Variants in HDAC1 observed in about 807,000 individuals in gnomAD.
HDAC1 encodes histone deacetylase 1, also known as protein deacetylase HDAC1.
A neutral mutation model predicts 65.5 loss-of-function variants in HDAC1; 18 were observed. The ratio of observed to expected loss-of-function variants is 0.27; its 90% confidence interval spans 0.19 to 0.41. The LOEUF (loss-of-function observed/expected upper bound fraction) is 0.41. Among genes scored for constraint, HDAC1 ranks in the 10% least tolerant of loss-of-function variants. The pLI is 1.00. For missense variants in HDAC1, 373 were observed against 625.2 expected, an observed-to-expected ratio of 0.60 and a Z score of 4.30; for synonymous variants, 211 against 227.9, an observed-to-expected ratio of 0.93 and a Z score of 0.67.
At chr1:32,332,366 A>C in intron 12 of HDAC1, 124 bp downstream of exon 12, 2 of 920,886 alleles carry the variant, frequency 2.2e-6, no homozygotes, top group Non-Finnish European at 1.7e-6. Context: ...CAGTTCCTTG[A>C]GCCTTTCAGT....
intron 1 of HDAC1, among the ~76,000 whole-genome samples, chr1:32,294,114 A>C (rs890542591): frequency 2.0e-5 from 3 of 151,964 alleles, no homozygotes; most frequent in African/African-American, 7.2e-5. Context: ...GTAAGGAAGA[A>C]GGCATGGATC....
intron 1 of HDAC1, among the ~76,000 whole-genome samples, chr1:32,293,317 T>A (rs1263236622): frequency 1.4e-5 from 2 of 138,026 alleles, no homozygotes; most frequent in Non-Finnish European, 3.1e-5. Flanking sequence ...CGAGGCTCTG[T>A]CTTAAAAAAA....
intron 2 of HDAC1, 89 bp downstream of exon 2, chr1:32,302,822 TTCAC>T (rs1409117763): frequency 1.4e-6 from 1 of 723,578 alleles, no homozygotes; most frequent in Non-Finnish European, 2.6e-6. Flanking sequence ...CCACCACTCA[TTCAC>T]TCATTCATCA....
chr1:32,330,723 C>T lies in HDAC1; in HGVS notation c.838+37C>T. 6 of 1,613,922 alleles carry T rather than the reference C, an allele frequency of 3.7e-6. No individual in the cohort carries two copies. The highest frequency in any genetic ancestry group is 5.1e-6 in the Non-Finnish European group (6 of 1,179,862). ...TAGCACAAGGATGGGTGGGCGGGGTCCTGCTTGGTGCTCCTGTAACTCAGC... is the reference window on the plus strand; with the variant it reads ...TAGCACAAGGATGGGTGGGCGGGGTTCTGCTTGGTGCTCCTGTAACTCAGC... On this transcript the variant is annotated intron_variant, in intron 8 of 13. Transcript: ENST00000373548. The surrounding 1 kb of genome is among the most constrained non-coding windows in gnomAD (Gnocchi z 4.2).
intron 2 of HDAC1, among the ~76,000 whole-genome samples, chr1:32,313,928 C>T (rs928456103): frequency 6.6e-6 from 1 of 152,098 alleles, no homozygotes; most frequent in Non-Finnish European, 1.5e-5. Flanking sequence ...GCTCTGGCCA[C>T]CCTTGGAAAT....
At chr1:32,332,361 C>A in intron 12 of HDAC1, 119 bp downstream of exon 12, 1 of 948,442 alleles carries the variant, frequency 1.1e-6, no homozygotes. Context: ...TTCCTCAGTT[C>A]CTTGAGCCTT....
At position 32,327,039 on chromosome 1, in the gene HDAC1, C is replaced by G; in HGVS notation, c.456C>G (p.Tyr152Ter). ...AGTCCGAGGCATCTGGCTTCTGTTA[C>G]GTCAATGATATCGTCTTGGCCATCC... The part of the protein sequence containing the change: ...AKKSEASGFC[Y>*]VNDIVLAILE... Residue 152 changes from tyrosine (Y) to a stop codon, truncating the protein, a stop_gained, in exon 5 of 14, where the codon TAC becomes TAG. Coordinates refer to ENST00000373548, the MANE Select transcript of HDAC1 (RefSeq NM_004964.3). LOFTEE classifies it high-confidence loss of function. The surrounding 1 kb of genome is among the most constrained non-coding windows in gnomAD (Gnocchi z 6.0). The G allele has an allele frequency of 1.2e-6, 2 of 1,614,136 alleles. No homozygotes were observed. The highest frequency in any genetic ancestry group is 1.7e-6 in the Non-Finnish European group (2 of 1,179,998).
chr1:32,296,734 A>G (rs1371691960), intron 1 of HDAC1, among the ~76,000 whole-genome samples: 1 of 152,128 alleles, frequency 6.6e-6, no homozygotes, highest in African/African-American at 2.4e-5. Flanking sequence ...GATTGTTGAT[A>G]AGGGAGATGG....
intron 4 of HDAC1, among the ~76,000 whole-genome samples, chr1:32,325,910 C>T (rs1026220172): frequency 2.0e-5 from 3 of 151,830 alleles, no homozygotes; most frequent in African/African-American, 7.3e-5. Context: ...GCCTGTAATC[C>T]CAGCTACTTG....
intron 1 of HDAC1, among the ~76,000 whole-genome samples, chr1:32,298,092 T>TC (rs1161749128): frequency 7.3e-6 from 1 of 136,346 alleles, no homozygotes; most frequent in African/African-American, 2.8e-5. Flanking sequence ...CCCGGCCTTT[T>TC]TTTTTTTTTT....
rs1023526823 is a variant in HDAC1 at position 32,301,205 on chromosome 1, G to C, written c.50-1416G>C. Among the ~76,000 whole-genome samples the C allele has an allele frequency of 5.8e-4, 89 of 152,168 alleles. 1 individual carries two copies. Among genetic ancestry groups the C allele is most frequent in the African/African-American group, 2.1e-3 (88 of 41,520 alleles). On this transcript the variant is annotated intron_variant, in intron 1 of 13. Transcript: ENST00000373548. Reference sequence around the variant, plus strand: ...CTCATGCCTGTAATCCCAGCACTTTGGGAGGCCGAGGCGGGCAGATCACAA... The same window carrying C: ...CTCATGCCTGTAATCCCAGCACTTTCGGAGGCCGAGGCGGGCAGATCACAA...
At chr1:32,324,914 C>T (rs1011021984) in intron 4 of HDAC1, among the ~76,000 whole-genome samples, 2 of 152,072 alleles carry the variant, frequency 1.3e-5, no homozygotes, top group Non-Finnish European at 2.9e-5. Context: ...TGCAGTGAGT[C>T]GTGGTCACAC....
chr1:32,328,666 T>C (rs142480012), intron 6 of HDAC1, among the ~76,000 whole-genome samples: 37 of 152,242 alleles, frequency 2.4e-4, no homozygotes, highest in South Asian at 1.0e-3. Flanking sequence ...CACAACACCC[T>C]AGAGAGGGAG....
intron 2 of HDAC1, among the ~76,000 whole-genome samples, chr1:32,313,756 G>C (rs563140964): frequency 4.7e-4 from 72 of 152,214 alleles, no homozygotes; most frequent in Non-Finnish European, 9.3e-4. Context: ...GTTTTCTCCG[G>C]GTACTCCATT....
At chr1:32,316,937 C>T (rs1257999876) in intron 3 of HDAC1, among the ~76,000 whole-genome samples, 155 bp downstream of exon 3, 2 of 152,136 alleles carry the variant, frequency 1.3e-5, no homozygotes, top group African/African-American at 2.4e-5. Flanking sequence ...CCCCTCAAGT[C>T]GGATTTTTCA....
Position 32,331,043 on chromosome 1 carries a change from C to A in HDAC1, c.979+135C>A. ...ACTAGTCACTGAGTCTCCTGCCTGT[C>A]CTCTTGTGATCAGCAGACCATAACC... On this transcript the variant is annotated intron_variant, in intron 9 of 13. Transcript: ENST00000373548. This position sits in a 1 kb window ranked among gnomAD's most constrained non-coding sequence, Gnocchi z 4.2. 1.3e-6 allele frequency: 1 copy of A among 765,600 alleles called. No homozygotes were observed. Among genetic ancestry groups the A allele is most frequent in the Non-Finnish European group, 2.2e-6 (1 of 458,216 alleles). The allele number at this position is 765,600 out of a possible 1,614,324, so 47.4% of individuals were successfully genotyped here. A position where few individuals can be genotyped will look rare whatever the true frequency, so the allele number is the denominator to read the frequency against.
Position 32,332,121 on chromosome 1 carries a change from G to A in HDAC1, c.1251G>A (p.Glu417=). Reference sequence around the variant, plus strand: ...CCTCTGACAAACGAATTGCCTGTGAGGAAGAGTTCTCCGATTCTGAAGAGG... The same window carrying A: ...CCTCTGACAAACGAATTGCCTGTGAAGAAGAGTTCTCCGATTCTGAAGAGG... ...ICSSDKRIAC[E]EEFSDSEEEG... is the part of the protein sequence containing the mutation. Residue 417 remains glutamate, a synonymous_variant, in exon 12 of 14, where the codon GAG becomes GAA. Transcript: ENST00000373548. 1.2e-6 allele frequency: 2 copies of A among 1,609,960 alleles called. No individual in the cohort carries two copies. Among genetic ancestry groups the A allele is most frequent in the Non-Finnish European group, 1.7e-6 (2 of 1,178,146 alleles).
chr1:32,329,468 C>T lies in HDAC1; in HGVS notation c.729+308C>T. Reference sequence around the variant, plus strand: ...TCTATGATTAGTACTGTTTTTGTATCTCCATTTCTTTGGGCTGCTGGGAGA... The same window carrying T: ...TCTATGATTAGTACTGTTTTTGTATTTCCATTTCTTTGGGCTGCTGGGAGA... On this transcript the variant is annotated intron_variant, in intron 7 of 13. Coordinates refer to ENST00000373548, the MANE Select transcript of HDAC1 (RefSeq NM_004964.3). This position sits in a 1 kb window ranked among gnomAD's most constrained non-coding sequence, Gnocchi z 4.1. 1 of 464,606 alleles carries T rather than the reference C, an allele frequency of 2.2e-6. No homozygotes were observed. Among genetic ancestry groups the T allele is most frequent in the Non-Finnish European group, 3.9e-6 (1 of 255,450 alleles). 28.8% of individuals were successfully genotyped at this position (464,606 alleles called of 1,614,324 possible). A position where few individuals can be genotyped will look rare whatever the true frequency, so the allele number is the denominator to read the frequency against.
At chr1:32,299,199 T>C (rs927090887) in intron 1 of HDAC1, among the ~76,000 whole-genome samples, 13 of 152,220 alleles carry the variant, frequency 8.5e-5, no homozygotes, top group Middle Eastern at 3.4e-3. Flanking sequence ...GTGTCCCTCA[T>C]GCTGTGTGCT....
Sources: gnomAD v4.1 joint callset for allele counts (sites outside exome capture counted in the v4.1 genomes callset) on GRCh38, gnomAD v4.1.1 for gene constraint, Gnocchi (gnomAD v3.1) non-coding constraint, MANE v1.5 for transcripts, NCBI Gene and HGNC (gene_info 2026-07-23, HGNC 2026-07-21) for gene names.